The following N4BP2 variants were observed in gnomAD, a reference collection of about 807,000 sequenced individuals.
N4BP2 encodes NEDD4-binding protein 2.
N4BP2 carries 91 observed loss-of-function variants against 152.8 expected under a neutral mutation model. The ratio of observed to expected loss-of-function variants is 0.60; its 90% confidence interval spans 0.50 to 0.71. N4BP2 has a LOEUF of 0.71. Ranked by LOEUF, N4BP2 falls within the 30% of genes least tolerant of loss-of-function variation. The pLI is 0.00. For synonymous variants in N4BP2, 646 were observed against 705.3 expected (o/e 0.92, Z 1.33); for missense variants, 1,923 against 2,059.1 (o/e 0.93, Z 1.28).
chr4:40,113,235 C>A (rs755873254), intron 6 of N4BP2, among the ~76,000 whole-genome samples, 197 bp from the exon 7 acceptor site: 11 of 152,080 alleles, frequency 7.2e-5, no homozygotes, highest in Non-Finnish European at 1.3e-4. Context: ...TAAATAAATG[C>A]TCTTATATAA....
intron 7 of N4BP2, among the ~76,000 whole-genome samples, chr4:40,116,734 C>T (rs757129530): frequency 1.7e-4 from 26 of 152,014 alleles, no homozygotes; most frequent in Non-Finnish European, 2.8e-4. Flanking sequence ...TGATGTTCAT[C>T]TTTGAGAATT....
chr4:40,094,292 A>G (rs543434189), intron 2 of N4BP2, among the ~76,000 whole-genome samples: 1 of 152,228 alleles, frequency 6.6e-6, no homozygotes, highest in African/African-American at 2.4e-5. Flanking sequence ...TTCTGTTAAT[A>G]CTTGAAAAGA....
downstream of N4BP2, among the ~76,000 whole-genome samples, chr4:40,159,881 G>GTTT (rs374845650): frequency 1.7e-3 from 258 of 148,532 alleles, no homozygotes; most frequent in African/African-American, 5.9e-3. Context: ...AGTTGTTGTT[G>GTTT]TTTTTTTTTT....
At chr4:40,103,489 A>G (rs993431102) in intron 4 of N4BP2, among the ~76,000 whole-genome samples, 1 of 152,190 alleles carries the variant, frequency 6.6e-6, no homozygotes, top group African/African-American at 2.4e-5. Flanking sequence ...GTAGTAGTAG[A>G]AGAGAGCTAA....
chr4:40,153,153 A>G (rs1227944680), intron 17 of N4BP2, among the ~76,000 whole-genome samples: 1 of 152,232 alleles, frequency 6.6e-6, no homozygotes, highest in Non-Finnish European at 1.5e-5. Flanking sequence ...TGTCTGGTAA[A>G]CCAGAAATAA....
At chr4:40,175,467 G>T in the N4BP2 span, among the ~76,000 whole-genome samples, 1 of 152,144 alleles carries the variant, frequency 6.6e-6, no homozygotes, top group Non-Finnish European at 1.5e-5. Flanking sequence ...GGATGAACCA[G>T]TCTGGAGATC....
At chr4:40,084,263 A>G (rs1007382005) in intron 2 of N4BP2, among the ~76,000 whole-genome samples, 3 of 152,126 alleles carry the variant, frequency 2.0e-5, no homozygotes, top group South Asian at 4.1e-4. Context: ...TTTTGAATTT[A>G]CAACTGGCAG....
chr4:40,184,412 C>G, the N4BP2 span, among the ~76,000 whole-genome samples: 1 of 150,628 alleles, frequency 6.6e-6, no homozygotes. Context: ...GAAGTGAAAC[C>G]AAATACATTA....
At chr4:40,078,033 T>C (rs1331530849) in intron 2 of N4BP2, 1 of 152,122 alleles carries the variant, frequency 6.6e-6, no homozygotes, top group Non-Finnish European at 1.5e-5. Flanking sequence ...TAAGGTTCTT[T>C]TTAGAGAAAA....
chr4:40,147,962 A>G (rs887982473), intron 16 of N4BP2, among the ~76,000 whole-genome samples: 2 of 150,400 alleles, frequency 1.3e-5, no homozygotes, highest in African/African-American at 4.9e-5. Flanking sequence ...CTCACTTCCT[A>G]GATGGGATGG....
chr4:40,066,604 G>C (rs1255997342), intron 1 of N4BP2, among the ~76,000 whole-genome samples: 2 of 152,182 alleles, frequency 1.3e-5, no homozygotes, highest in Non-Finnish European at 2.9e-5. Context: ...ACAGGTGTGA[G>C]CCACCGTGCC....
the N4BP2 span, among the ~76,000 whole-genome samples, chr4:40,170,237 G>T: frequency 6.6e-6 from 1 of 152,002 alleles, no homozygotes; most frequent in Non-Finnish European, 1.5e-5. Flanking sequence ...ATGTACACTG[G>T]TCATCCCAAC....
chr4:40,143,501 A>G (rs1031024804), intron 15 of N4BP2, among the ~76,000 whole-genome samples: 1 of 152,002 alleles, frequency 6.6e-6, no homozygotes, highest in Non-Finnish European at 1.5e-5. Context: ...GGGTCTTACC[A>G]TGTTGTCCAG....
downstream of N4BP2, among the ~76,000 whole-genome samples, chr4:40,159,057 A>G (rs1384635546): frequency 6.6e-6 from 1 of 152,228 alleles, no homozygotes; most frequent in Non-Finnish European, 1.5e-5. Context: ...ATTTTATTAC[A>G]TAGGTAGTGC....
At chr4:40,089,073 C>T (rs1714277518) in intron 2 of N4BP2, among the ~76,000 whole-genome samples, 1 of 152,032 alleles carries the variant, frequency 6.6e-6, no homozygotes, top group African/African-American at 2.4e-5. Context: ...ACCTTAGGCT[C>T]CTGAGTAACT....
In N4BP2 at chr4:40,150,906, A is replaced by G. The variant is rs145299564; in HGVS notation, c.5144-1874A>G. 2.4e-3 allele frequency among the ~76,000 whole-genome samples: 360 copies of G among 152,312 alleles called. 1 individual carries two copies. The highest frequency in any genetic ancestry group is 8.2e-3 in the African/African-American group (342 of 41,580). The stretch of plus-strand genomic sequence containing the variant: ...ATATTAAGGGACTTTTATTAATTTT[A>G]TAAGATATGATGGTGCCATTGTAGT... On this transcript the variant is annotated intron_variant, in intron 16 of 17. Coordinates refer to ENST00000261435, the MANE Select transcript of N4BP2 (RefSeq NM_018177.6).
At chr4:40,092,046 A>AT (rs1491152490) in intron 2 of N4BP2, among the ~76,000 whole-genome samples, 1 of 97,466 alleles carries the variant, frequency 1.0e-5, no homozygotes, top group African/African-American at 3.9e-5. Flanking sequence ...ATATATATAT[A>AT]GCTGAATTTT....
chr4:40,079,024 C>T (rs758882371), intron 2 of N4BP2, among the ~76,000 whole-genome samples: 3 of 151,932 alleles, frequency 2.0e-5, no homozygotes, highest in Non-Finnish European at 4.4e-5. Flanking sequence ...CGATCTCAAG[C>T]GATTCTCCAA....
downstream of N4BP2, among the ~76,000 whole-genome samples, chr4:40,160,205 A>T (rs1169034198): frequency 6.6e-6 from 1 of 152,206 alleles, no homozygotes; most frequent in Admixed American, 6.5e-5. Flanking sequence ...GACTAGCTTA[A>T]TAAGTGCTAA....
Sources: gnomAD v4.1 joint callset for allele counts (sites outside exome capture counted in the v4.1 genomes callset) on GRCh38, gnomAD v4.1.1 for gene constraint, MANE v1.5 for transcripts, NCBI Gene and HGNC (gene_info 2026-07-23, HGNC 2026-07-21) for gene names.